GPC6: variants seen among roughly 807,000 people sequenced by gnomAD.
GPC6 encodes glypican 6, also known as glypican-6.
In GPC6, 14 loss-of-function variants were observed where a neutral mutation model predicts 55.2. That is an observed-to-expected ratio of 0.25 (90% confidence interval 0.17 to 0.40). The LOEUF is 0.40. Ranked by LOEUF, GPC6 falls within the 10% of genes least tolerant of loss-of-function variation. GPC6 has a pLI of 1.00. For synonymous variants in GPC6, 278 were observed against 259.6 expected (o/e 1.07, Z -0.68); for missense variants, 641 against 708.5 (o/e 0.90, Z 1.08).
chr13:93,523,154 C>T (rs1032179241), intron 1 of GPC6, among the ~76,000 whole-genome samples: 12 of 122,916 alleles, frequency 9.8e-5, no homozygotes, highest in African/African-American at 3.0e-4. Flanking sequence ...CAATATTATC[C>T]ATATATGTAC....
intron 3 of GPC6, among the ~76,000 whole-genome samples, chr13:93,858,372 TGC>T (rs1444307223): frequency 2.2e-4 from 33 of 151,716 alleles, no homozygotes; most frequent in Admixed American, 1.8e-3. Context: ...AATTTTAGTT[TGC>T]CATTTTAGGT....
chr13:93,758,108 A>T (rs1197424548), intron 2 of GPC6, among the ~76,000 whole-genome samples: 3 of 152,200 alleles, frequency 2.0e-5, no homozygotes, highest in African/African-American at 4.8e-5. Flanking sequence ...AAGTGCAACC[A>T]CATTAACTGA....
chr13:94,254,686 A>T (rs935607468), intron 4 of GPC6, among the ~76,000 whole-genome samples: 1 of 151,972 alleles, frequency 6.6e-6, no homozygotes, highest in African/African-American at 2.4e-5. Context: ...AGAAAAAAAA[A>T]CATGTAATTT....
chr13:93,226,347 G>T (rs936238934), upstream of GPC6, among the ~76,000 whole-genome samples: 5 of 152,156 alleles, frequency 3.3e-5, no homozygotes, highest in African/African-American at 1.2e-4. Flanking sequence ...AAATTGTTGA[G>T]TCTAGAACCA....
At chr13:94,392,428 T>G (rs1213115090) in intron 7 of GPC6, among the ~76,000 whole-genome samples, 8 of 22,820 alleles carry the variant, frequency 3.5e-4, no homozygotes, top group African/African-American at 2.3e-3. Flanking sequence ...TTTTTTTTTT[T>G]TTTTTTTTTT....
rs183688721 is a variant in GPC6 at position 94,140,937 on chromosome 13, G to A, written c.877+113043G>A. On this transcript the variant is annotated intron_variant, in intron 4 of 8. Coordinates refer to ENST00000377047, the MANE Select transcript of GPC6 (RefSeq NM_005708.5). Reference sequence around the variant, plus strand: ...TAATATAAATATATATTTATATTACGGTAATATATAAATAGATGTAGGCAT... The same window carrying A: ...TAATATAAATATATATTTATATTACAGTAATATATAAATAGATGTAGGCAT... 2.8e-3 allele frequency among the ~76,000 whole-genome samples: 423 copies of A among 151,520 alleles called. 5 individuals are homozygous for A. Among genetic ancestry groups the A allele is most frequent in the Non-Finnish European group, 4.6e-3 (314 of 67,920 alleles).
At chr13:93,384,464 A>T (rs1875315075) in intron 1 of GPC6, among the ~76,000 whole-genome samples, 1 of 152,032 alleles carries the variant, frequency 6.6e-6, no homozygotes, top group African/African-American at 2.4e-5. Flanking sequence ...ATCGATGAAT[A>T]TGATGATAAT....
chr13:93,387,088 G>T (rs1164314968), intron 1 of GPC6, among the ~76,000 whole-genome samples: 2 of 151,580 alleles, frequency 1.3e-5, no homozygotes, highest in East Asian at 1.9e-4. Flanking sequence ...TTGGAGGAGA[G>T]AATACTATTT....
At chr13:93,913,690 T>G (rs1002580930) in intron 3 of GPC6, among the ~76,000 whole-genome samples, 3 of 152,212 alleles carry the variant, frequency 2.0e-5, no homozygotes, top group African/African-American at 7.2e-5. Context: ...TTTTCTTTCA[T>G]CGTTTTTTTG....
intron 2 of GPC6, among the ~76,000 whole-genome samples, chr13:93,809,829 C>T (rs565141500): frequency 5.9e-5 from 9 of 152,238 alleles, no homozygotes; most frequent in South Asian, 2.1e-4. Context: ...GGGTCTACTG[C>T]GTGTGTTTAG....
At chr13:94,201,627 A>C (rs1889752952) in intron 4 of GPC6, among the ~76,000 whole-genome samples, 1 of 152,154 alleles carries the variant, frequency 6.6e-6, no homozygotes, top group Non-Finnish European at 1.5e-5. Context: ...TATAATAAGC[A>C]TCAGCTGATC....
Position 94,398,549 on chromosome 13 carries a change from C to G in GPC6, c.1373C>G (p.Thr458Ser), listed in dbSNP as rs1399381272. The change falls in exon 8 of 9, where the codon ACT becomes AGT. Residue 458 changes from threonine to serine, a missense_variant. Physicochemically the swap from Thr to Ser is moderately conservative, Grantham distance 58. Coordinates refer to ENST00000377047, the MANE Select transcript of GPC6 (RefSeq NM_005708.5). ...EVDVDITRPD[T>S]FIRQQIMALR... ...GATGTGGACATCACTCGGCCTGACA[C>G]TTTCATCAGACAGCAGATTATGGCT... 3.1e-6 allele frequency: 5 copies of G among 1,613,704 alleles called. No individual in the cohort carries two copies. The highest frequency in any genetic ancestry group is 4.2e-6 in the Non-Finnish European group (5 of 1,179,572).
At chr13:94,016,921 G>A (rs538047172) in intron 3 of GPC6, among the ~76,000 whole-genome samples, 4 of 151,042 alleles carry the variant, frequency 2.6e-5, no homozygotes, top group East Asian at 1.9e-4. Context: ...TGCAACCTCC[G>A]CCTCCTGGGT....
At chr13:94,337,879 A>AT (rs1318167808) in intron 6 of GPC6, among the ~76,000 whole-genome samples, 5 of 152,146 alleles carry the variant, frequency 3.3e-5, no homozygotes, top group Non-Finnish European at 4.4e-5. Flanking sequence ...ATTCACACCC[A>AT]TTTTCCCTCC....
At chr13:93,894,210 A>C (rs571711013) in intron 3 of GPC6, among the ~76,000 whole-genome samples, 1 of 152,184 alleles carries the variant, frequency 6.6e-6, no homozygotes, top group Non-Finnish European at 1.5e-5. Context: ...CTTAACTCTA[A>C]CATGCTGCTT....
chr13:93,992,187 A>ATG (rs923530828), intron 3 of GPC6, among the ~76,000 whole-genome samples: 52 of 151,414 alleles, frequency 3.4e-4, no homozygotes, highest in African/African-American at 1.2e-3. Flanking sequence ...GTATATATAT[A>ATG]TATATATATG....
At chr13:94,002,921 C>G (rs1351091019) in intron 3 of GPC6, among the ~76,000 whole-genome samples, 5 of 152,140 alleles carry the variant, frequency 3.3e-5, no homozygotes, top group Non-Finnish European at 5.9e-5. Context: ...TTGCAAAGCA[C>G]TAATGAAAAG....
intron 3 of GPC6, among the ~76,000 whole-genome samples, chr13:93,953,281 C>T (rs1311261791): frequency 6.6e-6 from 1 of 152,036 alleles, no homozygotes; most frequent in Non-Finnish European, 1.5e-5. Context: ...AGCATTTAAA[C>T]TCCTTCTTTG....
At chr13:93,603,789 C>A (rs190051176) in intron 2 of GPC6, among the ~76,000 whole-genome samples, 2 of 152,288 alleles carry the variant, frequency 1.3e-5, no homozygotes, top group East Asian at 3.9e-4. Context: ...ACACTAATAT[C>A]TCTATATCTA....
Sources: gnomAD v4.1 joint callset for allele counts (sites outside exome capture counted in the v4.1 genomes callset) on GRCh38, gnomAD v4.1.1 for gene constraint, MANE v1.5 for transcripts, NCBI Gene and HGNC (gene_info 2026-07-23, HGNC 2026-07-21) for gene names.